Variants in SYT1 observed in about 807,000 individuals in gnomAD.
SYT1 encodes the protein synaptotagmin-1.
Under a neutral mutation model 44.8 loss-of-function variants are expected in SYT1, and 8 were observed. The ratio of observed to expected loss-of-function variants is 0.18; its 90% CI spans 0.10 to 0.32. SYT1 has a LOEUF of 0.32. Ranked by LOEUF, SYT1 falls within the 10% of genes least tolerant of loss-of-function variation. The probability of loss-of-function intolerance (pLI) is 1.00; values close to 1 mark genes in which losing one functional copy is unlikely to be tolerated. For missense variants in SYT1, 286 were observed against 509.3 expected (o/e 0.56, Z 4.22); for synonymous variants, 154 against 188.8 (o/e 0.82, Z 1.51).
intron 1 of SYT1, among the ~76,000 whole-genome samples, chr12:78,970,745 A>G (rs1383341910): frequency 6.6e-6 from 1 of 152,230 alleles, no homozygotes; most frequent in Non-Finnish European, 1.5e-5. Flanking sequence ...TCACTGAGTA[A>G]CTTAATTACC....
intron 8 of SYT1, among the ~76,000 whole-genome samples, chr12:79,323,015 C>T (rs984669975): frequency 6.6e-6 from 1 of 152,080 alleles, no homozygotes; most frequent in African/African-American, 2.4e-5. Context: ...CCCGTGGGAT[C>T]TAACAGCCCT....
intron 9 of SYT1, among the ~76,000 whole-genome samples, chr12:79,412,235 C>T (rs1868475044): frequency 6.6e-6 from 1 of 152,096 alleles, no homozygotes; most frequent in African/African-American, 2.4e-5. Flanking sequence ...CAGTGGCCCG[C>T]CAGTGCTTAG....
chr12:79,032,466 C>T (rs1170655019), intron 2 of SYT1, among the ~76,000 whole-genome samples: 1 of 151,192 alleles, frequency 6.6e-6, no homozygotes, highest in Non-Finnish European at 1.5e-5. Flanking sequence ...ACTTTGGCTT[C>T]ACTTGGGGCT....
chr12:79,189,024 T>C (rs926418514), intron 3 of SYT1, among the ~76,000 whole-genome samples: 1 of 152,142 alleles, frequency 6.6e-6, no homozygotes, highest in Non-Finnish European at 1.5e-5. Context: ...CTAACTTCTA[T>C]GATGGTTGCA....
Position 79,427,893 on chromosome 12 carries a change from T to C in SYT1, c.929-16180T>C, listed in dbSNP as rs551380984. 2.0e-5 allele frequency among the ~76,000 whole-genome samples: 3 copies of C among 152,346 alleles called. No homozygotes were observed. The East Asian group carries it at 5.8e-4, about 29-fold the overall frequency. Reference sequence around the variant, plus strand: ...AGCTCAGACATGTCTGCATTTAACTTATGGTATAATTACTGGATTAAAAAC... The same window carrying C: ...AGCTCAGACATGTCTGCATTTAACTCATGGTATAATTACTGGATTAAAAAC... On this transcript the variant is annotated intron_variant, in intron 9 of 10. Coordinates refer to ENST00000261205, the MANE Select transcript of SYT1 (RefSeq NM_005639.3).
chr12:79,091,680 A>G (rs1340223254), intron 3 of SYT1, among the ~76,000 whole-genome samples: 1 of 151,960 alleles, frequency 6.6e-6, no homozygotes, highest in Non-Finnish European at 1.5e-5. Flanking sequence ...GCAGTCAGAC[A>G]TTAGAGGAAA....
intron 3 of SYT1, among the ~76,000 whole-genome samples, chr12:79,159,481 CAG>C (rs1870813024): frequency 6.6e-6 from 1 of 152,076 alleles, no homozygotes; most frequent in South Asian, 2.1e-4. Context: ...CAGAGAGAGA[CAG>C]AGAGATAGAC....
intron 1 of SYT1, among the ~76,000 whole-genome samples, chr12:78,946,390 C>A (rs1405990019): frequency 6.6e-6 from 1 of 152,150 alleles, no homozygotes; most frequent in Non-Finnish European, 1.5e-5. Context: ...CACAGTGGCT[C>A]ACACCTCTAA....
At chr12:79,205,241 C>T (rs956053701) in intron 3 of SYT1, among the ~76,000 whole-genome samples, 1 of 152,042 alleles carries the variant, frequency 6.6e-6, no homozygotes, top group African/African-American at 2.4e-5. Flanking sequence ...GGATTACAGG[C>T]GTGAGCCACC....
intron 1 of SYT1, among the ~76,000 whole-genome samples, chr12:78,973,938 A>AATAT (rs869290804): frequency 3.2e-4 from 8 of 25,326 alleles, no homozygotes; most frequent in Non-Finnish European, 3.9e-4. Flanking sequence ...AAAAAAAAAA[A>AATAT]ATATATATAT....
chr12:79,026,644 G>T (rs1253424426), intron 2 of SYT1, among the ~76,000 whole-genome samples: 2 of 127,622 alleles, frequency 1.6e-5, no homozygotes, highest in Non-Finnish European at 3.3e-5. Flanking sequence ...GTATAATATT[G>T]TGTGTGTATA....
chr12:78,868,526 G>T (rs1873659958), intron 1 of SYT1, among the ~76,000 whole-genome samples: 1 of 151,666 alleles, frequency 6.6e-6, no homozygotes, highest in Non-Finnish European at 1.5e-5. Flanking sequence ...AAGAGACAAA[G>T]TATATGGCAA....
chr12:79,377,283 T>C (rs1884036283), intron 9 of SYT1, among the ~76,000 whole-genome samples: 1 of 152,310 alleles, frequency 6.6e-6, no homozygotes, highest in African/African-American at 2.4e-5. Context: ...GGCTAATTTT[T>C]TGTATTTTCA....
chr12:79,313,559 G>A (rs1880913324), intron 8 of SYT1, among the ~76,000 whole-genome samples: 1 of 146,982 alleles, frequency 6.8e-6, no homozygotes, highest in Non-Finnish European at 1.5e-5. Context: ...CAATAAGAGG[G>A]TATTTCCGTA....
intron 3 of SYT1, among the ~76,000 whole-genome samples, chr12:79,111,288 C>T (rs1878995125): frequency 6.6e-6 from 1 of 151,890 alleles, no homozygotes; most frequent in Admixed American, 6.6e-5. Context: ...ACACCACCTC[C>T]CAACTCTAGA....
rs150395832 is a variant in SYT1 at position 79,054,786 on chromosome 12, C to T, written c.-18+7424C>T. On this transcript the variant is annotated intron_variant, in intron 3 of 10. Coordinates refer to ENST00000261205, the MANE Select transcript of SYT1 (RefSeq NM_005639.3). The stretch of plus-strand genomic sequence containing the variant: ...ATAAGGAGAATAAAAGTTATATTGA[C>T]TATAAGTCATAGATTTTCTTTTCAA... 1.7e-3 allele frequency among the ~76,000 whole-genome samples: 258 copies of T among 151,916 alleles called. 1 individual carries two copies. The highest frequency in any genetic ancestry group is 5.9e-3 in the African/African-American group (245 of 41,506).
rs148236627 is a variant in SYT1, at chr12:78,949,396, G to A, written c.-216-28403G>A. ...AACTTCTGTGCAGGTCAATGATAAC[G>A]AGTAAAATATGTCTACTGGTTTCAA... On this transcript the variant is annotated intron_variant, in intron 1 of 10. Coordinates refer to ENST00000261205, the MANE Select transcript of SYT1 (RefSeq NM_005639.3). Among the ~76,000 whole-genome samples, 14 of 150,960 alleles carry A rather than the reference G, an allele frequency of 9.3e-5. No individual in the cohort carries two copies. The East Asian group carries it at 2.5e-3, about 27-fold the overall frequency.
intron 4 of SYT1, among the ~76,000 whole-genome samples, chr12:79,255,444 C>T (rs1044493129): frequency 1.3e-5 from 2 of 152,112 alleles, no homozygotes; most frequent in African/African-American, 4.8e-5. Context: ...ACTGTGAAAC[C>T]AAAAATTCAT....
intron 1 of SYT1, among the ~76,000 whole-genome samples, chr12:78,917,051 C>T (rs1284198091): frequency 2.0e-5 from 3 of 151,980 alleles, no homozygotes; most frequent in Non-Finnish European, 2.9e-5. Context: ...TTCAGCCACC[C>T]AAGTACCTGG....
Sources: allele counts gnomAD v4.1 joint callset (sites outside exome capture counted in the v4.1 genomes callset), GRCh38; gene constraint gnomAD v4.1.1; transcripts MANE v1.5; gene names NCBI Gene and HGNC (gene_info 2026-07-23, HGNC 2026-07-21).